NBAS: variants seen among roughly 807,000 people sequenced by gnomAD.
NBAS encodes NBAS subunit of NRZ tethering complex.
In NBAS, 219 loss-of-function variants were observed where a neutral mutation model predicts 302.5. That is an observed-to-expected ratio of 0.72 (90% confidence interval 0.65 to 0.81). The LOEUF (loss-of-function observed/expected upper bound fraction) is 0.81, where lower values mean the gene tolerates loss of function less well. NBAS is among the 30% of genes least tolerant of loss of function. NBAS has a pLI of 0.00. For synonymous variants in NBAS, 1,118 were observed against 1,021.6 expected (o/e 1.09, Z -1.80); for missense variants, 2,932 against 2,841.6 (o/e 1.03, Z -0.72).
At chr2:15,461,603 G>A in intron 20 of NBAS, 84 bp downstream of exon 20, 1 of 856,220 alleles carries the variant, frequency 1.2e-6, no homozygotes, top group Non-Finnish European at 1.9e-6. Context: ...TGTAATATAT[G>A]CACACAATAA....
chr2:15,291,340 G>T (rs1388933769), intron 41 of NBAS, among the ~76,000 whole-genome samples: 4 of 152,168 alleles, frequency 2.6e-5, no homozygotes, highest in Non-Finnish European at 5.9e-5. Context: ...ATCTCACAGG[G>T]TTATCCTTGA....
At chr2:14,826,092 G>T in the NBAS span, among the ~76,000 whole-genome samples, 124 of 152,160 alleles carry the variant, frequency 8.1e-4, no homozygotes, top group African/African-American at 2.9e-3. Context: ...TAAATGAGGA[G>T]GGTGTAATTT....
intron 9 of NBAS, among the ~76,000 whole-genome samples, chr2:15,517,962 G>A (rs1662480061): frequency 6.6e-6 from 1 of 152,100 alleles, no homozygotes; most frequent in Admixed American, 6.5e-5. Context: ...TCATAAAGTG[G>A]AAAAGTCTTA....
intron 11 of NBAS, among the ~76,000 whole-genome samples, chr2:15,491,742 G>GAAAAAA (rs1314925793): frequency 8.1e-6 from 1 of 122,838 alleles, no homozygotes; most frequent in African/African-American, 3.0e-5. Flanking sequence ...TCTCAAAAAA[G>GAAAAAA]AAAAAAAAAA....
intron 32 of NBAS, among the ~76,000 whole-genome samples, chr2:15,358,722 G>A (rs1230764651): frequency 6.6e-6 from 1 of 152,140 alleles, no homozygotes; most frequent in African/African-American, 2.4e-5. Flanking sequence ...TGGGATTAGA[G>A]GCATGAACCA....
In NBAS at chr2:15,276,951, G is replaced by A; in HGVS notation, c.5289C>T (p.Phe1763=). The A allele has an allele frequency of 6.2e-7, 1 of 1,614,050 alleles. No individual in the cohort carries two copies. Among genetic ancestry groups the A allele is most frequent in the Non-Finnish European group, 8.5e-7 (1 of 1,179,980 alleles). ...GFDHERLQYY[F]TLLENCGCAD... ...CACAGCCACAGTTTTCCAGAAGAGT[G>A]AAATAATACTGCAGCCTTTCGTGAT... The change falls in exon 43 of 52, where the codon TTC becomes TTT. Residue 1763 remains phenylalanine, a synonymous_variant. Coordinates refer to ENST00000281513, the MANE Select transcript of NBAS (RefSeq NM_015909.4).
intron 26 of NBAS, among the ~76,000 whole-genome samples, chr2:15,400,245 A>G (rs1271314493): frequency 1.3e-5 from 2 of 152,150 alleles, no homozygotes; most frequent in African/African-American, 4.8e-5. Flanking sequence ...AGAGAAAAAA[A>G]AAAACATGAA....
intron 44 of NBAS, among the ~76,000 whole-genome samples, chr2:15,251,084 T>C (rs565707150): frequency 3.9e-5 from 6 of 151,928 alleles, no homozygotes; most frequent in Admixed American, 2.6e-4. Context: ...ATAAACCAGA[T>C]AAAGAAAATG....
chr2:14,877,403 TC>T, the NBAS span, among the ~76,000 whole-genome samples: 29 of 152,202 alleles, frequency 1.9e-4, no homozygotes, highest in Non-Finnish European at 3.8e-4. Context: ...TATCTGCAGA[TC>T]TTTTGTTCCT....
chr2:15,315,881 G>A (rs563411770), intron 38 of NBAS, among the ~76,000 whole-genome samples: 2 of 152,190 alleles, frequency 1.3e-5, no homozygotes, highest in Admixed American at 1.3e-4. Flanking sequence ...CTACCTCTGG[G>A]CATCAAAACT....
intron 31 of NBAS, among the ~76,000 whole-genome samples, chr2:15,372,601 C>G (rs111823027): frequency 0.019 from 2,931 of 152,194 alleles, 50 homozygotes; most frequent in Middle Eastern, 0.027. Context: ...AAAAAGTATA[C>G]AAAGGCAATA....
intron 51 of NBAS, chr2:15,178,258 T>C (rs536344375): frequency 4.6e-6 from 2 of 437,466 alleles, no homozygotes; most frequent in South Asian, 3.4e-5. Flanking sequence ...TATGTGTATG[T>C]GTATAGTGTA....
At chr2:14,809,032 A>C in the NBAS span, among the ~76,000 whole-genome samples, 1 of 152,204 alleles carries the variant, frequency 6.6e-6, no homozygotes, top group African/African-American at 2.4e-5. Context: ...AGTATCTAGC[A>C]GAAGGAATTT....
intron 21 of NBAS, among the ~76,000 whole-genome samples, chr2:15,432,178 A>ATTTT (rs1677798145): frequency 6.6e-6 from 1 of 151,978 alleles, no homozygotes; most frequent in Non-Finnish European, 1.5e-5. Context: ...CTCAAGTTCT[A>ATTTT]TAAACATGAA....
the NBAS span, among the ~76,000 whole-genome samples, chr2:14,783,244 T>C: frequency 6.6e-6 from 1 of 151,992 alleles, no homozygotes; most frequent in Non-Finnish European, 1.5e-5. Flanking sequence ...TACTGGAAAA[T>C]GTGGTTGACC....
At chr2:15,470,959 T>C (rs1679933754) in intron 16 of NBAS, among the ~76,000 whole-genome samples, 1 of 151,810 alleles carries the variant, frequency 6.6e-6, no homozygotes, top group South Asian at 2.1e-4. Context: ...CAAAACTCCA[T>C]CTCAAAACAA....
Position 15,353,561 on chromosome 2 carries a change from G to A in NBAS, c.4081C>T (p.Gln1361Ter), listed in dbSNP as rs772270925. The A allele has an allele frequency of 6.2e-7, 1 of 1,613,980 alleles. No individual in the cohort carries two copies. The highest frequency in any genetic ancestry group is 2.2e-5 in the East Asian group (1 of 44,852). Residue 1361 changes from glutamine to a stop codon, truncating the protein, a stop_gained, in exon 34 of 52, where the codon CAG becomes TAG. Coordinates refer to ENST00000281513, the MANE Select transcript of NBAS (RefSeq NM_015909.4). LOFTEE classifies it high-confidence loss of function. Reference sequence around the variant, plus strand: ...TTTATCGAAGGACTTACTTCTGTCTGCAGAGAGCTGCTAGCTGCCAAAAGA... The same window carrying A: ...TTTATCGAAGGACTTACTTCTGTCTACAGAGAGCTGCTAGCTGCCAAAAGA... The part of the protein sequence containing the change: ...ELLLAASSSL[Q>*]TEILYQRVNF...
At chr2:15,099,067 G>C in the NBAS span, among the ~76,000 whole-genome samples, 1 of 152,018 alleles carries the variant, frequency 6.6e-6, no homozygotes, top group Non-Finnish European at 1.5e-5. Context: ...AGCACTTTGG[G>C]AGGCTGCGGC....
intron 35 of NBAS, among the ~76,000 whole-genome samples, chr2:15,344,203 T>C (rs1672983314): frequency 6.6e-6 from 1 of 151,690 alleles, no homozygotes; most frequent in South Asian, 2.1e-4. Context: ...ATAGCACATA[T>C]ATAGGAATGG....
Sources: allele counts gnomAD v4.1 joint callset (sites outside exome capture counted in the v4.1 genomes callset), GRCh38; gene constraint gnomAD v4.1.1; transcripts MANE v1.5; gene names NCBI Gene and HGNC (gene_info 2026-07-23, HGNC 2026-07-21).